METTL15: variants seen among roughly 807,000 people sequenced by gnomAD.
METTL15 encodes the protein 12S rRNA N(4)-cytidine methyltransferase METTL15.
METTL15 carries 34 observed loss-of-function variants against 38.3 expected under a neutral mutation model. That is an observed-to-expected ratio of 0.89 (90% CI 0.68 to 1.18). The LOEUF (loss-of-function observed/expected upper bound fraction) is 1.18. Among genes scored for constraint, METTL15 ranks in the 50% most tolerant of loss-of-function variants. The probability of loss-of-function intolerance (pLI) is 0.00; values close to 1 mark genes in which losing one functional copy is unlikely to be tolerated. For missense variants in METTL15, 438 were observed against 498.4 expected (o/e 0.88, Z 1.15); for synonymous variants, 162 against 170.9 (o/e 0.95, Z 0.41).
At chr11:28,458,421 T>G (rs1851188024) in intron 6 of METTL15, among the ~76,000 whole-genome samples, 1 of 152,204 alleles carries the variant, frequency 6.6e-6, no homozygotes, top group Admixed American at 6.5e-5. Flanking sequence ...TCCATAAAAC[T>G]TGCCCAATGT....
chr11:28,109,650 T>G (rs1373849359), intron 1 of METTL15, among the ~76,000 whole-genome samples: 1 of 152,240 alleles, frequency 6.6e-6, no homozygotes, highest in Non-Finnish European at 1.5e-5. Flanking sequence ...AAAATATGCA[T>G]ATTTTGCCAG....
In METTL15 at chr11:28,503,441, T is replaced by C. The variant is rs553390309; in HGVS notation, c.*425-23037T>C. Among the ~76,000 whole-genome samples the C allele has an allele frequency of 1.2e-3, 177 of 152,318 alleles. 3 individuals are homozygous for C. Among genetic ancestry groups the C allele is most frequent in the Non-Finnish European group, 2.1e-3 (143 of 68,028 alleles). On this transcript the variant is annotated intron_variant and NMD_transcript_variant, in intron 6 of 7. Transcript: ENST00000532947. ...ACTATTCTCAACATTTTACTGGTGA[T>C]AAAATTGAGGATTGTGGAAATTAAG...
intron 4 of METTL15, among the ~76,000 whole-genome samples, chr11:28,280,518 TG>T (rs1300605678): frequency 6.6e-6 from 1 of 152,102 alleles, no homozygotes; most frequent in Non-Finnish European, 1.5e-5. Context: ...TGTAGTTTAT[TG>T]TGTTTCTTTA....
chr11:28,389,876 C>A (rs1850483924), intron 5 of METTL15, among the ~76,000 whole-genome samples: 1 of 151,866 alleles, frequency 6.6e-6, no homozygotes, highest in Non-Finnish European at 1.5e-5. Flanking sequence ...TATTTCTCCA[C>A]ATCCTCTCCA....
rs566456710 is a variant in METTL15 at position 28,350,025 on chromosome 11, C to A, written c.*190-2065C>A. Among the ~76,000 whole-genome samples the A allele has an allele frequency of 2.1e-3, 325 of 152,300 alleles. 2 individuals are homozygous for A. Among genetic ancestry groups the A allele is most frequent in the Non-Finnish European group, 6.2e-4 (42 of 68,032 alleles). The stretch of plus-strand genomic sequence containing the variant: ...CTTTCTGTTGCTACAGTGGAGATAG[C>A]CACCTGTATTAGACAGGCTATTAGA... On this transcript the variant is annotated intron_variant and NMD_transcript_variant, in intron 3 of 7. Coordinates refer to the METTL15 transcript ENST00000532947.
chr11:28,252,686 C>T (rs986433225), intron 4 of METTL15, among the ~76,000 whole-genome samples: 10 of 152,038 alleles, frequency 6.6e-5, no homozygotes, highest in Admixed American at 2.6e-4. Flanking sequence ...ATGGGAGCAT[C>T]CTCATCAATA....
In METTL15 at chr11:28,368,152, CAA is replaced by C. The variant is rs572862749; in HGVS notation, c.*358+6126_*358+6127del. On this transcript the variant is annotated intron_variant and NMD_transcript_variant, in intron 5 of 7. Transcript: ENST00000532947. Reference sequence around the variant, plus strand: ...GCAAAAAAAAAAAAAACAAAAAAAACAAAAAAAAAAACAAAGAAAAAAACAGA... The same window carrying C: ...GCAAAAAAAAAAAAAACAAAAAAAACAAAAAAAAACAAAGAAAAAAACAGA... 4.6e-5 allele frequency among the ~76,000 whole-genome samples: 5 copies of C among 108,718 alleles called. No homozygotes were observed. The South Asian group carries it at 1.2e-3, about 25-fold the overall frequency. 71.3% of individuals were successfully genotyped at this position (108,718 alleles called of 152,430 possible).
chr11:28,245,043 C>T (rs897125044), intron 4 of METTL15, among the ~76,000 whole-genome samples: 1 of 152,152 alleles, frequency 6.6e-6, no homozygotes, highest in East Asian at 1.9e-4. Context: ...AGGACCTGAA[C>T]TGATGTTCAG....
intron 6 of METTL15, among the ~76,000 whole-genome samples, chr11:28,442,269 C>T (rs981392968): frequency 6.6e-6 from 1 of 152,118 alleles, no homozygotes; most frequent in Non-Finnish European, 1.5e-5. Flanking sequence ...GCTATTTTCC[C>T]AGGAAGGAAG....
At chr11:28,341,751 T>C (rs1161164343) in intron 3 of METTL15, among the ~76,000 whole-genome samples, 1 of 152,220 alleles carries the variant, frequency 6.6e-6, no homozygotes, top group African/African-American at 2.4e-5. Flanking sequence ...CTTACTTATC[T>C]GTAAAATGAT....
chr11:28,287,302 C>T (rs547121695), intron 4 of METTL15: 7 of 223,790 alleles, frequency 3.1e-5, no homozygotes, highest in African/African-American at 1.2e-4. Flanking sequence ...TCCATGAGGC[C>T]GGCTGAGGTT....
At chr11:28,514,239 T>C (rs1184770085) in intron 6 of METTL15, among the ~76,000 whole-genome samples, 1 of 152,206 alleles carries the variant, frequency 6.6e-6, no homozygotes, top group African/African-American at 2.4e-5. Flanking sequence ...CCAATCAACA[T>C]ATGCCATCTA....
chr11:28,219,188 C>T (rs1349418068), intron 4 of METTL15, among the ~76,000 whole-genome samples: 1 of 152,078 alleles, frequency 6.6e-6, no homozygotes, highest in Admixed American at 6.5e-5. Context: ...CTGTCTGGTC[C>T]TGGACTTTTT....
At chr11:28,260,852 A>G (rs1014017491) in intron 4 of METTL15, among the ~76,000 whole-genome samples, 2 of 152,314 alleles carry the variant, frequency 1.3e-5, no homozygotes, top group African/African-American at 2.4e-5. Flanking sequence ...TCTGAAATTT[A>G]CTTTGATTGA....
intron 4 of METTL15, among the ~76,000 whole-genome samples, chr11:28,238,049 CA>C (rs1854095137): frequency 6.6e-6 from 1 of 152,188 alleles, no homozygotes; most frequent in African/African-American, 2.4e-5. Context: ...GCTCGGGGGT[CA>C]GGGGTCAGGG....
chr11:28,505,264 G>A (rs1356264838), intron 6 of METTL15, among the ~76,000 whole-genome samples: 1 of 152,102 alleles, frequency 6.6e-6, no homozygotes, highest in Non-Finnish European at 1.5e-5. Context: ...TTCTCAAATA[G>A]GTTTGCCACC....
intron 5 of METTL15, among the ~76,000 whole-genome samples, chr11:28,379,331 A>G (rs939883963): frequency 2.6e-5 from 4 of 152,024 alleles, no homozygotes; most frequent in Non-Finnish European, 4.4e-5. Context: ...TGCTTTTTTG[A>G]TATAGGTGTT....
chr11:28,197,346 A>T (rs1486219820), intron 3 of METTL15: 2 of 224,840 alleles, frequency 8.9e-6, no homozygotes, highest in African/African-American at 2.3e-5. Context: ...ATTTAGCATA[A>T]AATTTTTTGG....
At chr11:28,474,026 C>T (rs1394918915) in intron 6 of METTL15, among the ~76,000 whole-genome samples, 2 of 151,960 alleles carry the variant, frequency 1.3e-5, no homozygotes, top group Non-Finnish European at 2.9e-5. Flanking sequence ...AGTTGTTTCC[C>T]TATCTATTCT....
Sources: allele counts gnomAD v4.1 joint callset (sites outside exome capture counted in the v4.1 genomes callset), GRCh38; gene constraint gnomAD v4.1.1; transcripts MANE v1.5; gene names NCBI Gene and HGNC (gene_info 2026-07-23, HGNC 2026-07-21).